Variants in HS3ST2 observed in about 807,000 individuals in gnomAD.
The protein encoded by HS3ST2 is heparan sulfate glucosamine 3-O-sulfotransferase 2.
HS3ST2 carries 17 observed loss-of-function variants against 26.3 expected under a neutral mutation model. The observed-to-expected ratio is 0.65, with a 90% confidence interval of 0.44 to 0.97. HS3ST2 has a LOEUF of 0.97. HS3ST2 is among the 50% of genes least tolerant of loss of function. HS3ST2 has a pLI of 0.00. For synonymous variants in HS3ST2, 237 were observed against 219.2 expected (o/e 1.08, Z -0.72); for missense variants, 402 against 501.2 (o/e 0.80, Z 1.89).
intron 1 of HS3ST2, among the ~76,000 whole-genome samples, chr16:22,868,916 T>C (rs1160380339): frequency 6.6e-6 from 1 of 152,048 alleles, no homozygotes; most frequent in African/African-American, 2.4e-5. Context: ...AGATGGCCCA[T>C]TAATGAAGCA....
intron 1 of HS3ST2, among the ~76,000 whole-genome samples, chr16:22,871,408 C>T (rs1370014575): frequency 2.6e-5 from 4 of 151,496 alleles, no homozygotes; most frequent in African/African-American, 4.9e-5. Context: ...TTTTGCCAAA[C>T]CATAAGGTGA....
At chr16:22,894,238 C>T (rs894974628) in intron 1 of HS3ST2, among the ~76,000 whole-genome samples, 3 of 152,170 alleles carry the variant, frequency 2.0e-5, no homozygotes, top group Non-Finnish European at 4.4e-5. Flanking sequence ...TGCCTGCCAG[C>T]GTTCTAGCTT....
chr16:22,902,322 T>G (rs1427651656), intron 1 of HS3ST2, among the ~76,000 whole-genome samples: 1 of 152,246 alleles, frequency 6.6e-6, no homozygotes. Context: ...GTAGCTAACT[T>G]AATGCTAGCT....
chr16:22,829,088 A>G (rs991434018), intron 1 of HS3ST2, among the ~76,000 whole-genome samples: 1 of 152,226 alleles, frequency 6.6e-6, no homozygotes, highest in Non-Finnish European at 1.5e-5. Context: ...GGAACCTCTG[A>G]GCACCTCCTT....
At chr16:22,889,590 A>G (rs550088503) in intron 1 of HS3ST2, among the ~76,000 whole-genome samples, 1 of 152,342 alleles carries the variant, frequency 6.6e-6, no homozygotes, top group African/African-American at 2.4e-5. Context: ...AAATCTGGAA[A>G]AAATCCCCAA....
chr16:22,870,631 C>G (rs771323925), intron 1 of HS3ST2, among the ~76,000 whole-genome samples: 1 of 152,148 alleles, frequency 6.6e-6, no homozygotes, highest in Non-Finnish European at 1.5e-5. Context: ...TCCTCCCTGT[C>G]CCCCGGAAAC....
At chr16:22,829,759 T>A (rs1489597075) in intron 1 of HS3ST2, among the ~76,000 whole-genome samples, 1 of 152,208 alleles carries the variant, frequency 6.6e-6, no homozygotes, top group Non-Finnish European at 1.5e-5. Context: ...GATAAGGATA[T>A]GATGAAATGT....
At chr16:22,904,442 T>C (rs1198946814) in intron 1 of HS3ST2, among the ~76,000 whole-genome samples, 3 of 152,064 alleles carry the variant, frequency 2.0e-5, no homozygotes, top group Non-Finnish European at 4.4e-5. Context: ...GATGATAGAC[T>C]CAGATAATGT....
chr16:22,862,295 G>A (rs1392485991), intron 1 of HS3ST2, among the ~76,000 whole-genome samples: 1 of 65,218 alleles, frequency 1.5e-5, no homozygotes, highest in Non-Finnish European at 3.1e-5. Context: ...TTTTTTTTTT[G>A]GTAGGGAATC....
At chr16:22,829,261 C>A (rs1347108767) in intron 1 of HS3ST2, among the ~76,000 whole-genome samples, 2 of 152,144 alleles carry the variant, frequency 1.3e-5, no homozygotes, top group African/African-American at 4.8e-5. Flanking sequence ...AACTCAACAT[C>A]CTTAGGGATT....
chr16:22,819,822 C>G (rs1442729042), intron 1 of HS3ST2, among the ~76,000 whole-genome samples: 2 of 152,212 alleles, frequency 1.3e-5, no homozygotes, highest in African/African-American at 2.4e-5. Flanking sequence ...ATCACATTAT[C>G]CAGTTCATTT....
intron 1 of HS3ST2, among the ~76,000 whole-genome samples, chr16:22,912,410 G>A (rs1902434675): frequency 6.6e-6 from 1 of 152,178 alleles, no homozygotes; most frequent in South Asian, 2.1e-4. Context: ...TAAGAACCAG[G>A]AGTTGATATT....
At chr16:22,853,643 G>T (rs762902305) in intron 1 of HS3ST2, among the ~76,000 whole-genome samples, 1 of 152,288 alleles carries the variant, frequency 6.6e-6, no homozygotes, top group South Asian at 2.1e-4. Context: ...ACTTCAAGAT[G>T]AGATGGGCCT....
rs773986248 is a variant in HS3ST2 at position 22,861,064 on chromosome 16, A to G, written c.485+45969A>G. On this transcript the variant is annotated intron_variant, in intron 1 of 1. Coordinates refer to ENST00000261374, the MANE Select transcript of HS3ST2 (RefSeq NM_006043.2). ...AATTTTTAAAAATTTTTTTGTAGAT[A>G]TAGGGCCTCACTATGTTGCCCAGGC... is the stretch of plus-strand genomic sequence containing the variant. Among the ~76,000 whole-genome samples, 7 of 152,124 alleles carry G rather than the reference A, an allele frequency of 4.6e-5. No homozygotes were observed. In the South Asian group the frequency reaches 8.3e-4, roughly 18 times the overall value.
chr16:22,837,855 G>C lies in HS3ST2; in HGVS notation c.485+22760G>C, dbSNP rs369942405. On this transcript the variant is annotated intron_variant, in intron 1 of 1. Coordinates refer to ENST00000261374, the MANE Select transcript of HS3ST2 (RefSeq NM_006043.2). Reference sequence around the variant, plus strand: ...ACTCGTTCTTCTTGTGATGATGTGAGATGATCTCTAACACACTAGTCCGAA... The same window carrying C: ...ACTCGTTCTTCTTGTGATGATGTGACATGATCTCTAACACACTAGTCCGAA... Among the ~76,000 whole-genome samples the C allele has an allele frequency of 2.6e-5, 4 of 151,896 alleles. No homozygotes were observed. The South Asian group carries it at 8.3e-4, about 32-fold the overall frequency.
At chr16:22,912,294 T>G (rs2141749894) in intron 1 of HS3ST2, among the ~76,000 whole-genome samples, 1 of 152,150 alleles carries the variant, frequency 6.6e-6, no homozygotes, top group South Asian at 2.1e-4. Flanking sequence ...GAAAAAGAGT[T>G]GGTGAAGGGA....
At chr16:22,838,377 A>G (rs1478197505) in intron 1 of HS3ST2, among the ~76,000 whole-genome samples, 1 of 152,152 alleles carries the variant, frequency 6.6e-6, no homozygotes, top group Non-Finnish European at 1.5e-5. Flanking sequence ...AGATGCAAGC[A>G]TGCCTGCCAC....
At chr16:22,826,073 T>A (rs1248487543) in intron 1 of HS3ST2, among the ~76,000 whole-genome samples, 1 of 152,180 alleles carries the variant, frequency 6.6e-6, no homozygotes, top group Admixed American at 6.5e-5. Flanking sequence ...ATGAATTTAT[T>A]GGCCACCTGC....
intron 1 of HS3ST2, among the ~76,000 whole-genome samples, chr16:22,857,589 C>T (rs1202663468): frequency 6.6e-6 from 1 of 152,202 alleles, no homozygotes; most frequent in African/African-American, 2.4e-5. Flanking sequence ...CTCTAAATAA[C>T]ATCTCCATGC....
Sources: gnomAD v4.1 joint callset for allele counts (sites outside exome capture counted in the v4.1 genomes callset) on GRCh38, gnomAD v4.1.1 for gene constraint, MANE v1.5 for transcripts, NCBI Gene and HGNC (gene_info 2026-07-23, HGNC 2026-07-21) for gene names.